Variants in RAP1GDS1 observed in about 807,000 individuals in gnomAD.
RAP1GDS1 encodes the protein RAP1, GTP-GDP dissociation stimulator 1.
In RAP1GDS1, 35 loss-of-function variants were observed where a neutral mutation model predicts 71.1. That is an observed-to-expected ratio of 0.49 (90% confidence interval 0.38 to 0.65). RAP1GDS1 has a LOEUF of 0.65. Ranked by LOEUF, RAP1GDS1 falls within the 30% of genes least tolerant of loss-of-function variation. The pLI is 0.00. For missense variants in RAP1GDS1, 663 were observed against 706.1 expected, an observed-to-expected ratio of 0.94 and a Z score of 0.69; for synonymous variants, 229 against 243.1, an observed-to-expected ratio of 0.94 and a Z score of 0.54.
intron 6 of RAP1GDS1, among the ~76,000 whole-genome samples, chr4:98,399,531 C>T (rs916131613): frequency 5.9e-5 from 9 of 152,116 alleles, no homozygotes; most frequent in African/African-American, 2.2e-4. Flanking sequence ...TGGGCTCAAG[C>T]AGTCCACCTG....
intron 1 of RAP1GDS1, among the ~76,000 whole-genome samples, chr4:98,278,959 A>G (rs1304786727): frequency 6.6e-6 from 1 of 152,172 alleles, no homozygotes; most frequent in Non-Finnish European, 1.5e-5. Flanking sequence ...GCGGTGGCTC[A>G]CGCCTGTAAT....
intron 2 of RAP1GDS1, among the ~76,000 whole-genome samples, chr4:98,321,193 A>C (rs1731814153): frequency 7.0e-6 from 1 of 142,140 alleles, no homozygotes; most frequent in South Asian, 2.3e-4. Flanking sequence ...GAAATGAATG[A>C]AATGAAGCGA....
At chr4:98,434,151 T>C in intron 13 of RAP1GDS1, 89 bp downstream of exon 13, 4 of 1,479,540 alleles carry the variant, frequency 2.7e-6, no homozygotes, top group Non-Finnish European at 3.7e-6. Context: ...AGACAGAACC[T>C]TGACTGGAAG....
chr4:98,437,864 A>G (rs1341148280), intron 14 of RAP1GDS1, among the ~76,000 whole-genome samples: 2 of 151,624 alleles, frequency 1.3e-5, no homozygotes, highest in Non-Finnish European at 1.5e-5. Context: ...ATATCTTGGT[A>G]TATGTTCTAT....
At chr4:98,318,867 T>C (rs1414224145) in intron 2 of RAP1GDS1, among the ~76,000 whole-genome samples, 1 of 152,222 alleles carries the variant, frequency 6.6e-6, no homozygotes, top group Non-Finnish European at 1.5e-5. Context: ...AAATTGTTTA[T>C]TTCCAGAACT....
rs1258616577 is a variant in RAP1GDS1, at chr4:98,261,434, C to T, written c.-132C>T. ...CCTGCAGCAGCACCAGCTGCTCCTC[C>T]CCGGCGGCCGCCCCCCGCGGGTCCC... On this transcript the variant is annotated 5_prime_UTR_variant, in exon 1 of 15. Coordinates refer to ENST00000408927, the MANE Select transcript of RAP1GDS1 (RefSeq NM_001100427.2). 8.0e-6 allele frequency: 7 copies of T among 875,480 alleles called. No homozygotes were observed. The highest frequency in any genetic ancestry group is 6.3e-5 in the Admixed American group (2 of 31,602). 54.2% of individuals were successfully genotyped at this position (875,480 alleles called of 1,614,324 possible).
At chr4:98,413,152 C>G (rs1747325214) in intron 7 of RAP1GDS1, among the ~76,000 whole-genome samples, 1 of 152,042 alleles carries the variant, frequency 6.6e-6, no homozygotes, top group African/African-American at 2.4e-5. Context: ...CCGCATAAGA[C>G]AGATACTCCC....
chr4:98,343,348 A>C lies in RAP1GDS1; in HGVS notation c.235+87A>C, dbSNP rs145082888. ...AGTATGCTTTATTAATTTATGTTTT[A>C]ATTTTGTAGATTAGACATTTTTTAT... On this transcript the variant is annotated intron_variant, in intron 3 of 14. Transcript: ENST00000408927. The C allele has an allele frequency of 1.5e-3, 2,108 of 1,432,616 alleles. 10 individuals carry two copies. The highest frequency in any genetic ancestry group is 0.01 in the Middle Eastern group (57 of 5,668). 88.7% of individuals were successfully genotyped at this position (1,432,616 alleles called of 1,614,324 possible). A position where few individuals can be genotyped will look rare whatever the true frequency, so the allele number is the denominator to read the frequency against.
At chr4:98,277,074 A>G (rs1724321734) in intron 1 of RAP1GDS1, among the ~76,000 whole-genome samples, 1 of 152,150 alleles carries the variant, frequency 6.6e-6, no homozygotes, top group African/African-American at 2.4e-5. Context: ...TCTTTTTATT[A>G]TACCAGACTA....
At chr4:98,372,311 C>A (rs1473434836) in intron 4 of RAP1GDS1, among the ~76,000 whole-genome samples, 2 of 152,106 alleles carry the variant, frequency 1.3e-5, no homozygotes, top group Non-Finnish European at 2.9e-5. Context: ...TATAGGTGCA[C>A]GCCACCATGC....
intron 1 of RAP1GDS1, among the ~76,000 whole-genome samples, chr4:98,266,301 T>C (rs1031086482): frequency 6.6e-6 from 1 of 152,126 alleles, no homozygotes; most frequent in African/African-American, 2.4e-5. Flanking sequence ...AGAGTGAGTC[T>C]AGAATGATTT....
chr4:98,309,355 A>G (rs1729857236), intron 2 of RAP1GDS1, among the ~76,000 whole-genome samples: 1 of 151,972 alleles, frequency 6.6e-6, no homozygotes, highest in South Asian at 2.1e-4. Context: ...ATTGGAAGAG[A>G]TATTACACCA....
At position 98,398,356 on chromosome 4, in the gene RAP1GDS1, A is replaced by G. The variant is rs765927530; in HGVS notation, c.638-6121A>G. Among the ~76,000 whole-genome samples the G allele has an allele frequency of 6.6e-5, 10 of 152,196 alleles. No homozygotes were observed. The East Asian group carries it at 9.6e-4, about 15-fold the overall frequency. On this transcript the variant is annotated intron_variant, in intron 6 of 14. Transcript: ENST00000408927. ...AGAACTGAAATACAAAATTTCCTAC[A>G]TTGCAAATATCTGTCAAATAAATGT...
intron 1 of RAP1GDS1, among the ~76,000 whole-genome samples, chr4:98,273,458 C>T (rs532544931): frequency 6.6e-6 from 1 of 151,884 alleles, no homozygotes; most frequent in African/African-American, 2.4e-5. Context: ...ATTAATTGAA[C>T]ACAATTTATT....
chr4:98,313,370 C>T (rs1262929981), intron 2 of RAP1GDS1, among the ~76,000 whole-genome samples: 1 of 152,222 alleles, frequency 6.6e-6, no homozygotes, highest in Non-Finnish European at 1.5e-5. Context: ...CAGACAGAGA[C>T]ATCCAAAATA....
chr4:98,416,753 A>G lies in RAP1GDS1; in HGVS notation c.772A>G (p.Lys258Glu). 1 of 1,601,814 alleles carries G rather than the reference A, an allele frequency of 6.2e-7. No homozygotes were observed. The highest frequency in any genetic ancestry group is 8.5e-7 in the Non-Finnish European group (1 of 1,170,028). The change falls in exon 8 of 15, where the codon AAA becomes GAA. Residue 258 changes from lysine (K) to glutamate (E), a missense_variant. Physicochemically the swap from Lys to Glu is moderately conservative, Grantham distance 56 (BLOSUM62 1). Transcript: ENST00000408927. ...LAPLAENDAI[K>E]LQLVEAGLVE... ...TTCACGTTGTTCTTTAGATGCTATTAAACTACAGCTGGTTGAAGCAGGCCT... is the reference window on the plus strand; with the variant it reads ...TTCACGTTGTTCTTTAGATGCTATTGAACTACAGCTGGTTGAAGCAGGCCT...
chr4:98,378,914 A>C, intron 4 of RAP1GDS1, 103 bp from the exon 5 acceptor site: 8 of 1,112,602 alleles, frequency 7.2e-6, no homozygotes, highest in Non-Finnish European at 8.6e-6. Context: ...TTTATTTTCT[A>C]TTTATTCACA....
intron 1 of RAP1GDS1, among the ~76,000 whole-genome samples, chr4:98,273,122 T>C (rs986325171): frequency 6.6e-6 from 1 of 152,174 alleles, no homozygotes; most frequent in Non-Finnish European, 1.5e-5. Context: ...TCGTCTCCTT[T>C]GCAAAACTTC....
intron 12 of RAP1GDS1, among the ~76,000 whole-genome samples, chr4:98,424,789 AAG>A: frequency 3.1e-5 from 4 of 131,096 alleles, no homozygotes; most frequent in Admixed American, 8.7e-5. Context: ...AAAAAAAACA[AAG>A]AAAACTTTTG....
Sources: allele counts gnomAD v4.1 joint callset (sites outside exome capture counted in the v4.1 genomes callset), GRCh38; gene constraint gnomAD v4.1.1; transcripts MANE v1.5; gene names NCBI Gene and HGNC (gene_info 2026-07-23, HGNC 2026-07-21).